PARD3B: variants seen among roughly 807,000 people sequenced by gnomAD.
The protein encoded by PARD3B is partitioning defective 3 homolog B.
Under a neutral mutation model 130.2 loss-of-function variants are expected in PARD3B, and 103 were observed. The observed-to-expected ratio is 0.79, with a 90% CI of 0.67 to 0.93. PARD3B has a LOEUF of 0.93. Among genes scored for constraint, PARD3B ranks in the 40% least tolerant of loss-of-function variants. PARD3B has a pLI of 0.00. For synonymous variants in PARD3B, 583 were observed against 553.2 expected, an observed-to-expected ratio of 1.05 and a Z score of -0.76; for missense variants, 1,609 against 1,499.2, an observed-to-expected ratio of 1.07 and a Z score of -1.21.
At position 204,675,787 on chromosome 2, in the gene PARD3B, A is replaced by G. The variant is rs563792904; in HGVS notation, c.121-10394A>G. Among the ~76,000 whole-genome samples the G allele has an allele frequency of 6.6e-6, 1 of 152,200 alleles. No individual in the cohort carries two copies. ...AAGTGAAATATATGTCTCAATACTT[A>G]AATATTTTTCTATTTGAAAAAGGGA... On this transcript the variant is annotated intron_variant, in intron 1 of 22. Coordinates refer to ENST00000406610, the MANE Select transcript of PARD3B (RefSeq NM_001302769.2). The surrounding 1 kb of genome is among the most constrained non-coding windows in gnomAD (Gnocchi z 4.4).
intron 2 of PARD3B, among the ~76,000 whole-genome samples, chr2:204,738,937 A>G (rs897147437): frequency 1.3e-5 from 2 of 152,192 alleles, no homozygotes; most frequent in African/African-American, 4.8e-5. Flanking sequence ...AAATAATTCC[A>G]GGGATGATGT....
intron 15 of PARD3B, among the ~76,000 whole-genome samples, chr2:205,238,874 A>G (rs1042850673): frequency 6.1e-4 from 52 of 85,266 alleles, no homozygotes; most frequent in African/African-American, 2.2e-3. Context: ...ATATATATAT[A>G]TATGTATGTG....
At chr2:204,667,348 C>G (rs1388589365) in intron 1 of PARD3B, among the ~76,000 whole-genome samples, 1 of 151,630 alleles carries the variant, frequency 6.6e-6, no homozygotes, top group Non-Finnish European at 1.5e-5. Context: ...ATTTTTTTAC[C>G]TTAAATATTT....
At chr2:205,213,185 C>T (rs930814156) in intron 15 of PARD3B, among the ~76,000 whole-genome samples, 4 of 151,858 alleles carry the variant, frequency 2.6e-5, no homozygotes, top group Non-Finnish European at 5.9e-5. Flanking sequence ...ATTCAGGACC[C>T]ATTCAAATCT....
chr2:205,162,572 T>C (rs1399615888), intron 11 of PARD3B, among the ~76,000 whole-genome samples: 1 of 152,256 alleles, frequency 6.6e-6, no homozygotes, highest in Admixed American at 6.5e-5. Flanking sequence ...AGAACTAAAA[T>C]ATACTAAATA....
At chr2:204,701,648 G>A (rs1415856116) in intron 2 of PARD3B, among the ~76,000 whole-genome samples, 3 of 152,062 alleles carry the variant, frequency 2.0e-5, no homozygotes, top group Non-Finnish European at 2.9e-5. Flanking sequence ...TAATGCCGTA[G>A]AATTCTGGAA....
At chr2:204,659,602 C>G (rs936845163) in intron 1 of PARD3B, among the ~76,000 whole-genome samples, 4 of 152,070 alleles carry the variant, frequency 2.6e-5, no homozygotes. Context: ...ATGTTTCCCC[C>G]ACATCATCCC....
rs556534003 is a variant in PARD3B at position 204,967,287 on chromosome 2, C to G, written c.394+1964C>G. On this transcript the variant is annotated intron_variant, in intron 3 of 22. Transcript: ENST00000406610. This position sits in a 1 kb window ranked among gnomAD's most constrained non-coding sequence, Gnocchi z 4.4. Reference sequence around the variant, plus strand: ...TTCCACCGTTTCCTTCTACCTCCCCCACTCTGTCAGCTATTCAGCTTCCTT... The same window carrying G: ...TTCCACCGTTTCCTTCTACCTCCCCGACTCTGTCAGCTATTCAGCTTCCTT... Among the ~76,000 whole-genome samples, 2 of 152,200 alleles carry G rather than the reference C, an allele frequency of 1.3e-5. No homozygotes were observed. Among genetic ancestry groups the G allele is most frequent in the South Asian group, 2.1e-4 (1 of 4,826 alleles).
At position 204,999,316 on chromosome 2, in the gene PARD3B, T is replaced by G. The variant is rs150640804; in HGVS notation, c.394+33993T>G. Among the ~76,000 whole-genome samples, 1,237 of 152,310 alleles carry G rather than the reference T, an allele frequency of 8.1e-3. 18 individuals are homozygous for G. Among genetic ancestry groups the G allele is most frequent in the African/African-American group, 0.029 (1,186 of 41,572 alleles). On this transcript the variant is annotated intron_variant, in intron 3 of 22. Coordinates refer to ENST00000406610, the MANE Select transcript of PARD3B (RefSeq NM_001302769.2). ...GAAGGAATGACTCGTTTTGCCTTGT[T>G]AAATGGAAGTATATTTAAAATGTGA...
At chr2:205,379,086 G>T (rs2045201190) in intron 18 of PARD3B, among the ~76,000 whole-genome samples, 2 of 152,068 alleles carry the variant, frequency 1.3e-5, no homozygotes, top group Non-Finnish European at 2.9e-5. Context: ...ATAGAGGGGA[G>T]TTTGAGAGGG....
At chr2:204,553,537 G>A (rs1019266307) in intron 1 of PARD3B, among the ~76,000 whole-genome samples, 8 of 136,066 alleles carry the variant, frequency 5.9e-5, no homozygotes, top group African/African-American at 2.2e-4. Context: ...GAATCTGTGG[G>A]GTGTGTGTGT....
intron 15 of PARD3B, among the ~76,000 whole-genome samples, chr2:205,238,585 A>T (rs1372376166): frequency 6.6e-6 from 1 of 152,026 alleles, no homozygotes. Context: ...TAATCCCAGC[A>T]CTTTGGGAGG....
intron 4 of PARD3B, among the ~76,000 whole-genome samples, chr2:205,055,014 C>T (rs1008712571): frequency 6.6e-6 from 1 of 152,052 alleles, no homozygotes; most frequent in Non-Finnish European, 1.5e-5. Context: ...GTTTACATGA[C>T]TGCATTTTTT....
At chr2:205,577,378 T>C (rs971544193) in intron 22 of PARD3B, among the ~76,000 whole-genome samples, 1 of 152,192 alleles carries the variant, frequency 6.6e-6, no homozygotes, top group Admixed American at 6.5e-5. Context: ...ATGAAAACAA[T>C]GTCCATCAGG....
At chr2:205,238,657 C>T (rs1322018489) in intron 15 of PARD3B, among the ~76,000 whole-genome samples, 1 of 150,496 alleles carries the variant, frequency 6.6e-6, no homozygotes, top group African/African-American at 2.4e-5. Flanking sequence ...CATGGTGAAA[C>T]CCCGTCTTTA....
intron 11 of PARD3B, among the ~76,000 whole-genome samples, chr2:205,168,932 C>T (rs2034992129): frequency 6.6e-6 from 1 of 152,144 alleles, no homozygotes; most frequent in East Asian, 1.9e-4. Flanking sequence ...TGTTCCAATT[C>T]TGACCTTAAC....
At chr2:205,145,338 AGAG>A (rs2033277189) in intron 10 of PARD3B, among the ~76,000 whole-genome samples, 1 of 150,892 alleles carries the variant, frequency 6.6e-6, no homozygotes. Context: ...CAAAAAAAAA[AGAG>A]AAAAGAAATT....
intron 3 of PARD3B, among the ~76,000 whole-genome samples, chr2:205,029,029 T>C (rs967466965): frequency 6.6e-6 from 1 of 152,126 alleles, no homozygotes; most frequent in Non-Finnish European, 1.5e-5. Flanking sequence ...GAAACAAGAA[T>C]ATGAAGCAGG....
Position 205,300,604 on chromosome 2 carries a change from G to C in PARD3B, c.2260G>C (p.Val754Leu). The part of the protein sequence containing the change: ...SSSLESLQTA[V>L]AEVRKNDLPF... Reference sequence around the variant, plus strand: ...CTCCTTGGAGAGTCTGCAGACTGCAGTGGCCGAGGTCAGGAAGAATGACCT... The same window carrying C: ...CTCCTTGGAGAGTCTGCAGACTGCACTGGCCGAGGTCAGGAAGAATGACCT... Residue 754 changes from valine to leucine, a missense_variant, in exon 17 of 23, where the codon GTG becomes CTG. Transcript: ENST00000406610. The surrounding 1 kb of genome is among the most constrained non-coding windows in gnomAD (Gnocchi z 4.1). 1 of 1,613,984 alleles carries C rather than the reference G, an allele frequency of 6.2e-7. No individual in the cohort carries two copies. The highest frequency in any genetic ancestry group is 8.5e-7 in the Non-Finnish European group (1 of 1,180,020).
Sources: allele counts gnomAD v4.1 joint callset (sites outside exome capture counted in the v4.1 genomes callset), GRCh38; gene constraint gnomAD v4.1.1; non-coding constraint Gnocchi (gnomAD v3.1); transcripts MANE v1.5; gene names NCBI Gene and HGNC (gene_info 2026-07-23, HGNC 2026-07-21).